Variants in PI4K2B observed in about 807,000 individuals in gnomAD.
PI4K2B encodes the protein phosphatidylinositol 4-kinase type 2-beta.
Under a neutral mutation model 56.6 loss-of-function variants are expected in PI4K2B, and 46 were observed. The observed-to-expected ratio is 0.81, with a 90% CI of 0.64 to 1.04. The LOEUF (loss-of-function observed/expected upper bound fraction) is 1.04. Ranked by LOEUF, PI4K2B falls within the 50% of genes least tolerant of loss-of-function variation. PI4K2B has a pLI of 0.00. For synonymous variants in PI4K2B, 211 were observed against 223.8 expected (o/e 0.94, Z 0.51); for missense variants, 556 against 607.7 (o/e 0.91, Z 0.89).
chr4:25,260,633 TATATATATAC>T (rs750294480), intron 6 of PI4K2B, 42 bp downstream of exon 6: 1,685 of 59,206 alleles, frequency 0.028, 2 homozygotes, highest in Non-Finnish European at 0.042. Flanking sequence ...TATATATATA[TATATATATAC>T]ACACACACAC....
intron 3 of PI4K2B, 129 bp from the exon 4 acceptor site, chr4:25,256,414 A>T: frequency 1.5e-5 from 12 of 793,774 alleles, no homozygotes; most frequent in Non-Finnish European, 2.4e-5. Flanking sequence ...TCTGTTTTAG[A>T]TTCTCTGGGG....
At chr4:25,265,198 C>CAAAAAAA (rs71188933) in intron 7 of PI4K2B, among the ~76,000 whole-genome samples, 4,551 of 65,232 alleles carry the variant, frequency 0.07, 387 homozygotes, top group African/African-American at 0.12. Flanking sequence ...TCTGTCTCAC[C>CAAAAAAA]AAAAAAAAAA....
Position 25,270,130 on chromosome 4 carries a change from T to C in PI4K2B, c.1272+927T>C, listed in dbSNP as rs546642462. 5.3e-5 allele frequency among the ~76,000 whole-genome samples: 8 copies of C among 152,310 alleles called. No individual in the cohort carries two copies. In the South Asian group the frequency reaches 1.4e-3, roughly 28 times the overall value. On this transcript the variant is annotated intron_variant, in intron 9 of 9. Transcript: ENST00000264864. ...ATTTTCTTGGGCATCACTACCTTTT[T>C]CCCTCTCAGATTCACTCACTTAGAC...
chr4:25,237,754 T>C (rs1715328201), intron 1 of PI4K2B, among the ~76,000 whole-genome samples: 1 of 152,236 alleles, frequency 6.6e-6, no homozygotes, highest in Non-Finnish European at 1.5e-5. Flanking sequence ...GGTGCACACC[T>C]GTAGTCCAAG....
intron 7 of PI4K2B, among the ~76,000 whole-genome samples, chr4:25,264,446 C>G: frequency 6.6e-6 from 1 of 152,076 alleles, no homozygotes; most frequent in Non-Finnish European, 1.5e-5. Context: ...GAAATGATTT[C>G]TGTAATTTGC....
chr4:25,238,892 C>A lies in PI4K2B; in HGVS notation c.268+4461C>A, dbSNP rs1715390504. Among the ~76,000 whole-genome samples the A allele has an allele frequency of 2.0e-5, 3 of 152,156 alleles. No individual in the cohort carries two copies. In the South Asian group the frequency reaches 6.2e-4, roughly 32 times the overall value. ...CTGCTTTTATTCCCTTATCTGGCCC[C>A]ACCCACATCCTGCTGATTGGTCCAT... On this transcript the variant is annotated intron_variant, in intron 1 of 9. Coordinates refer to ENST00000264864, the MANE Select transcript of PI4K2B (RefSeq NM_018323.4).
At chr4:25,272,766 G>C (rs1414067943) in intron 9 of PI4K2B, among the ~76,000 whole-genome samples, 2 of 152,152 alleles carry the variant, frequency 1.3e-5, no homozygotes, top group Non-Finnish European at 2.9e-5. Flanking sequence ...GGGAGGCCAA[G>C]GTGGGTGGAT....
chr4:25,263,034 A>C (rs572784135), intron 6 of PI4K2B, among the ~76,000 whole-genome samples: 5 of 152,330 alleles, frequency 3.3e-5, no homozygotes, highest in Admixed American at 1.3e-4. Flanking sequence ...GGGTGGCAGG[A>C]GAATGAGTGT....
chr4:25,252,622 T>G, intron 2 of PI4K2B, 147 bp downstream of exon 2: 1 of 670,298 alleles, frequency 1.5e-6, no homozygotes, highest in South Asian at 1.9e-5. Flanking sequence ...TTTTGTTTGT[T>G]TTTTGAGACG....
chr4:25,234,158 G>T lies in PI4K2B; in HGVS notation c.-6G>T. The T allele has an allele frequency of 7.4e-7, 1 of 1,355,438 alleles. No homozygotes were observed. Among genetic ancestry groups the T allele is most frequent in the East Asian group, 3.0e-5 (1 of 32,944 alleles). The allele number at this position is 1,355,438 out of a possible 1,614,324, so 84.0% of individuals were successfully genotyped here. A position where few individuals can be genotyped will look rare whatever the true frequency, so the allele number is the denominator to read the frequency against. On this transcript the variant is annotated 5_prime_UTR_variant, in exon 1 of 10. Transcript: ENST00000264864. The stretch of plus-strand genomic sequence containing the variant: ...GGTCTCAGCGCGGAGGGAGCAGAGG[G>T]AGTCCATGGAGGATCCCTCCGAGCC...
chr4:25,238,532 A>C (rs1027977330), intron 1 of PI4K2B, among the ~76,000 whole-genome samples: 5 of 151,842 alleles, frequency 3.3e-5, no homozygotes, highest in African/African-American at 1.2e-4. Flanking sequence ...GTGTGTTCGG[A>C]GTTTGTTCCT....
At chr4:25,254,495 G>T (rs544675213) in intron 2 of PI4K2B, 28 of 162,774 alleles carry the variant, frequency 1.7e-4, no homozygotes, top group Non-Finnish European at 2.8e-4. Flanking sequence ...CTCACTGCAA[G>T]CTCTGCCTCC....
chr4:25,256,283 A>G (rs1243129364), intron 3 of PI4K2B, among the ~76,000 whole-genome samples: 2 of 152,210 alleles, frequency 1.3e-5, no homozygotes, highest in Non-Finnish European at 2.9e-5. Flanking sequence ...TCCTAAGTCT[A>G]CAGTTCAATA....
At chr4:25,258,974 A>C (rs916070778) in intron 4 of PI4K2B, 63 bp from the exon 5 acceptor site, 6 of 824,524 alleles carry the variant, frequency 7.3e-6, no homozygotes, top group Non-Finnish European at 1.1e-5. Context: ...CTGCTGAGAA[A>C]TATAAATATT....
chr4:25,269,840 A>G (rs1716809646), intron 9 of PI4K2B, among the ~76,000 whole-genome samples: 1 of 151,172 alleles, frequency 6.6e-6, no homozygotes, highest in South Asian at 2.1e-4. Flanking sequence ...CAGCCTCCCG[A>G]GTAGCTGGGA....
At chr4:25,250,184 G>A (rs1268031656) in intron 1 of PI4K2B, among the ~76,000 whole-genome samples, 5 of 152,166 alleles carry the variant, frequency 3.3e-5, no homozygotes, top group Non-Finnish European at 5.9e-5. Flanking sequence ...GTCCAACCTC[G>A]GCTCCGCATC....
At chr4:25,250,847 T>A (rs914450558) in intron 1 of PI4K2B, among the ~76,000 whole-genome samples, 1 of 152,134 alleles carries the variant, frequency 6.6e-6, no homozygotes. Flanking sequence ...GTGGTTGGAT[T>A]CTGGGTATTT....
Position 25,234,291 on chromosome 4 carries a change from C to T in PI4K2B, c.128C>T (p.Pro43Leu). Residue 43 changes from proline (P) to leucine (L), a missense_variant, in exon 1 of 10, where the codon CCA becomes CTA. Transcript: ENST00000264864. Reference protein sequence around the residue: ...IAWAHPRRGAPGSAVRLLDAA... With the variant: ...IAWAHPRRGALGSAVRLLDAA... ...TGGGCCCACCCGCGGAGAGGCGCCC[C>T]AGGCAGCGCCGTGAGGCTGCTGGAC... The T allele has an allele frequency of 7.1e-7, 1 of 1,415,942 alleles. No individual in the cohort carries two copies. The highest frequency in any genetic ancestry group is 1.4e-5 in the South Asian group (1 of 70,896). The allele number at this position is 1,415,942 out of a possible 1,614,324, so 87.7% of individuals were successfully genotyped here. A position where few individuals can be genotyped will look rare whatever the true frequency, so the allele number is the denominator to read the frequency against.
Position 25,277,398 on chromosome 4 carries a change from G to A in PI4K2B, c.*211G>A, listed in dbSNP as rs758848410. On this transcript the variant is annotated 3_prime_UTR_variant, in exon 10 of 10. Transcript: ENST00000264864. ...GAAGAAGTGCTATATCTCCTATATT[G>A]TATTTTTGTAGAAAATTTGTATTTT... 3 of 399,150 alleles carry A rather than the reference G, an allele frequency of 7.5e-6. No homozygotes were observed. The highest frequency in any genetic ancestry group is 8.5e-6 in the Non-Finnish European group (2 of 234,546). The allele number at this position is 399,150 out of a possible 1,614,324, so 24.7% of individuals were successfully genotyped here.
Sources: allele counts gnomAD v4.1 joint callset (sites outside exome capture counted in the v4.1 genomes callset), GRCh38; gene constraint gnomAD v4.1.1; transcripts MANE v1.5; gene names NCBI Gene and HGNC (gene_info 2026-07-23, HGNC 2026-07-21).